DSCAM: variants seen among roughly 807,000 people sequenced by gnomAD.
The protein encoded by DSCAM is DS cell adhesion molecule.
A neutral mutation model predicts 217.7 loss-of-function variants in DSCAM; 47 were observed. The observed-to-expected ratio is 0.22, with a 90% CI of 0.17 to 0.28. The LOEUF is 0.28. Ranked by LOEUF, DSCAM falls within the 10% of genes least tolerant of loss-of-function variation. DSCAM has a pLI of 1.00. For synonymous variants in DSCAM, 1,056 were observed against 1,015.3 expected (o/e 1.04, Z -0.76); for missense variants, 2,080 against 2,618.3 (o/e 0.79, Z 4.49).
Position 40,207,748 on chromosome 21 carries a change from A to T in DSCAM, c.2357-18510T>A, listed in dbSNP as rs531708930. On this transcript the variant is annotated intron_variant, in intron 11 of 32. Transcript: ENST00000400454. ...ATCATGGATTGGCCTCAATAATAGG[A>T]CTTTATTATCTCACAGTCCTGGAGG... is the stretch of plus-strand genomic sequence containing the variant. 6.6e-5 allele frequency among the ~76,000 whole-genome samples: 10 copies of T among 152,300 alleles called. 2 individuals are homozygous for T. The South Asian group carries it at 2.1e-3, about 32-fold the overall frequency.
At chr21:40,429,459 A>G (rs1451322677) in intron 3 of DSCAM, among the ~76,000 whole-genome samples, 4 of 151,600 alleles carry the variant, frequency 2.6e-5, no homozygotes, top group African/African-American at 9.7e-5. Flanking sequence ...GTAGAGATGG[A>G]GTTTCTCCAT....
chr21:40,514,621 T>C (rs970531863), intron 3 of DSCAM, among the ~76,000 whole-genome samples: 22 of 152,354 alleles, frequency 1.4e-4, no homozygotes, highest in African/African-American at 5.0e-4. Flanking sequence ...GTAAATAAGA[T>C]GAAAAAACTA....
At chr21:40,610,760 C>G (rs2089302862) in intron 3 of DSCAM, among the ~76,000 whole-genome samples, 1 of 152,188 alleles carries the variant, frequency 6.6e-6, no homozygotes, top group Non-Finnish European at 1.5e-5. Context: ...TATCCAAGGT[C>G]TTAAAAAGAT....
chr21:40,599,236 G>A (rs1162003992), intron 3 of DSCAM, among the ~76,000 whole-genome samples: 2 of 151,982 alleles, frequency 1.3e-5, no homozygotes, highest in Non-Finnish European at 2.9e-5. Context: ...TTAAGTTCTG[G>A]GATACAAGTG....
chr21:40,788,750 T>TA (rs2123456349), intron 1 of DSCAM, among the ~76,000 whole-genome samples: 1 of 152,344 alleles, frequency 6.6e-6, no homozygotes, highest in Non-Finnish European at 1.5e-5. Flanking sequence ...CTCTTTTCTG[T>TA]AAAAGCATAT....
intron 4 of DSCAM, among the ~76,000 whole-genome samples, chr21:40,355,586 G>C (rs1388267563): frequency 6.6e-6 from 1 of 152,152 alleles, no homozygotes; most frequent in South Asian, 2.1e-4. Flanking sequence ...TTCTCACCCT[G>C]CTCTCTCTTC....
At chr21:40,474,969 T>C (rs2075921459) in intron 3 of DSCAM, among the ~76,000 whole-genome samples, 1 of 151,874 alleles carries the variant, frequency 6.6e-6, no homozygotes, top group Non-Finnish European at 1.5e-5. Context: ...TCAGGGCTTC[T>C]GAAGATTGGC....
chr21:40,433,408 C>T (rs2075554768), intron 3 of DSCAM, among the ~76,000 whole-genome samples: 1 of 149,930 alleles, frequency 6.7e-6, no homozygotes. Context: ...ACGGGACCAA[C>T]ACAGAAAGCA....
rs2088777083 is a variant in DSCAM at position 40,042,765 on chromosome 21, T to C, written c.5384-92A>G. 5 of 1,284,566 alleles carry C rather than the reference T, an allele frequency of 3.9e-6. No homozygotes were observed. In the Admixed American group the frequency reaches 6.9e-5, roughly 18 times the overall value. The allele number at this position is 1,284,566 out of a possible 1,614,324, so 79.6% of individuals were successfully genotyped here. A position where few individuals can be genotyped will look rare whatever the true frequency, so the allele number is the denominator to read the frequency against. On this transcript the variant is annotated intron_variant, in intron 31 of 32. Transcript: ENST00000400454. ...CCTTCCTGGCTTGGGGCTGTTTTCTTCCAGATCATGGTGGGACCTGGTAGG... is the reference window on the plus strand; with the variant it reads ...CCTTCCTGGCTTGGGGCTGTTTTCTCCCAGATCATGGTGGGACCTGGTAGG...
intron 3 of DSCAM, among the ~76,000 whole-genome samples, chr21:40,474,622 G>A (rs1027543182): frequency 6.6e-6 from 1 of 152,090 alleles, no homozygotes; most frequent in African/African-American, 2.4e-5. Flanking sequence ...GAAAAATGCC[G>A]CTTCCATTCT....
intron 1 of DSCAM, among the ~76,000 whole-genome samples, chr21:40,809,820 G>A (rs867829911): frequency 1.3e-5 from 2 of 152,170 alleles, no homozygotes; most frequent in South Asian, 2.1e-4. Context: ...TTAACAGAAC[G>A]CTTCCTCCCA....
chr21:40,570,435 G>C (rs1468263460), intron 3 of DSCAM, among the ~76,000 whole-genome samples: 1 of 152,216 alleles, frequency 6.6e-6, no homozygotes, highest in Non-Finnish European at 1.5e-5. Flanking sequence ...TGTCCTTCCT[G>C]CAAGGGCAAG....
intron 2 of DSCAM, 50 bp downstream of exon 2, chr21:40,708,404 C>T: frequency 7.3e-7 from 1 of 1,362,488 alleles, no homozygotes; most frequent in Non-Finnish European, 9.6e-7. Flanking sequence ...TGTCATTATC[C>T]TCCCATCCCA....
chr21:40,438,282 TA>T (rs555758977), intron 3 of DSCAM, among the ~76,000 whole-genome samples: 80 of 152,306 alleles, frequency 5.3e-4, no homozygotes, highest in Non-Finnish European at 9.3e-4. Context: ...TTGTCCAAAG[TA>T]AAACAATTCT....
intron 1 of DSCAM, among the ~76,000 whole-genome samples, chr21:40,777,993 T>A (rs1361199857): frequency 1.3e-5 from 2 of 152,036 alleles, no homozygotes; most frequent in African/African-American, 2.4e-5. Flanking sequence ...ATATTTTACC[T>A]CCAAAGTACA....
At chr21:40,194,868 C>T (rs2090990813) in intron 11 of DSCAM, among the ~76,000 whole-genome samples, 1 of 152,108 alleles carries the variant, frequency 6.6e-6, no homozygotes, top group Non-Finnish European at 1.5e-5. Flanking sequence ...AGTATTTATA[C>T]CACTGAAATT....
At chr21:40,086,542 T>C (rs546718429) in intron 22 of DSCAM, among the ~76,000 whole-genome samples, 18 of 152,316 alleles carry the variant, frequency 1.2e-4, no homozygotes, top group African/African-American at 4.1e-4. Context: ...TTAGATCACA[T>C]TTCTATGCTC....
At chr21:40,790,675 C>T (rs772062533) in intron 1 of DSCAM, among the ~76,000 whole-genome samples, 3 of 152,100 alleles carry the variant, frequency 2.0e-5, no homozygotes, top group Admixed American at 1.3e-4. Context: ...AGTGTGCATG[C>T]AAGCCTGAGA....
At chr21:40,044,636 C>T (rs1337758620) in intron 30 of DSCAM, among the ~76,000 whole-genome samples, 1 of 152,134 alleles carries the variant, frequency 6.6e-6, no homozygotes, top group Non-Finnish European at 1.5e-5. Flanking sequence ...AAGAAAATTT[C>T]AAACAGTGAT....
Sources: gnomAD v4.1 joint callset for allele counts (sites outside exome capture counted in the v4.1 genomes callset) on GRCh38, gnomAD v4.1.1 for gene constraint, MANE v1.5 for transcripts, NCBI Gene and HGNC (gene_info 2026-07-23, HGNC 2026-07-21) for gene names.